MERTK: variants seen among roughly 807,000 people sequenced by gnomAD.
MERTK encodes tyrosine-protein kinase Mer.
Under a neutral mutation model 99.3 loss-of-function variants are expected in MERTK, and 69 were observed. The observed-to-expected ratio is 0.70, with a 90% confidence interval of 0.57 to 0.85. The LOEUF is 0.85. Ranked by LOEUF, MERTK falls within the 40% of genes least tolerant of loss-of-function variation. The probability of loss-of-function intolerance (pLI) is 0.00; values close to 1 mark genes in which losing one functional copy is unlikely to be tolerated. For missense variants in MERTK, 1,125 were observed against 1,249.4 expected (o/e 0.90, Z 1.50); for synonymous variants, 426 against 467.6 (o/e 0.91, Z 1.15).
In MERTK at chr2:111,921,369, A is replaced by G. The variant is rs571839911; in HGVS notation, c.62-7751A>G. ...ACAAAAATTAGCTGGGCATGGTGGT[A>G]CCTGCCTGTAGTCCCTGCTACTCAG... On this transcript the variant is annotated intron_variant, in intron 1 of 18. Coordinates refer to ENST00000295408, the MANE Select transcript of MERTK (RefSeq NM_006343.3). 2.0e-5 allele frequency among the ~76,000 whole-genome samples: 3 copies of G among 152,164 alleles called. No homozygotes were observed. The South Asian group carries it at 6.2e-4, about 32-fold the overall frequency.
At chr2:112,012,341 C>A (rs1251183432) in intron 15 of MERTK, among the ~76,000 whole-genome samples, 1 of 129,864 alleles carries the variant, frequency 7.7e-6, no homozygotes, top group Non-Finnish European at 1.6e-5. Context: ...ATCTTCATGT[C>A]AGGGAAGCCA....
At chr2:112,001,750 C>A (rs565146336) in intron 11 of MERTK, among the ~76,000 whole-genome samples, 177 of 152,284 alleles carry the variant, frequency 1.2e-3, no homozygotes, top group Non-Finnish European at 2.4e-3. Flanking sequence ...AATAAACAGA[C>A]ACTAGTGTTC....
intron 8 of MERTK, among the ~76,000 whole-genome samples, chr2:111,984,580 C>A (rs1676434812): frequency 6.6e-6 from 1 of 152,018 alleles, no homozygotes; most frequent in Admixed American, 6.6e-5. Flanking sequence ...GAGTTCTGAC[C>A]CTAAAATGCA....
In MERTK at chr2:111,945,062, TAAGTCCAC is replaced by T. The variant is rs769475381; in HGVS notation, c.583+4_583+11del. The T allele has an allele frequency of 3.1e-6, 5 of 1,609,788 alleles. No homozygotes were observed. Among genetic ancestry groups the T allele is most frequent in the Non-Finnish European group, 4.3e-6 (5 of 1,176,358 alleles). ...ATCCCATCTACATCGAAGTACAAGG[TAAGTCCAC>T]AGACCAGAGTCCCATTGCCAGAGAA... is the stretch of plus-strand genomic sequence containing the variant. On this transcript the variant is annotated splice_donor_5th_base_variant and intron_variant, in intron 3 of 18. Transcript: ENST00000295408.
intron 4 of MERTK, among the ~76,000 whole-genome samples, chr2:111,961,156 C>CTTTTTTTTTTT (rs1052197732): frequency 1.0e-5 from 1 of 98,082 alleles, no homozygotes; most frequent in Non-Finnish European, 2.0e-5. Flanking sequence ...AATTTTCTTT[C>CTTTTTTTTTTT]TTTTTTTTTT....
At chr2:111,986,674 T>G (rs1272181677) in intron 8 of MERTK, among the ~76,000 whole-genome samples, 1 of 152,240 alleles carries the variant, frequency 6.6e-6, no homozygotes. Context: ...CATTGCCCTT[T>G]GTTCAGAACG....
intron 4 of MERTK, among the ~76,000 whole-genome samples, chr2:111,947,930 A>G (rs1035257789): frequency 3.9e-5 from 6 of 151,928 alleles, no homozygotes; most frequent in African/African-American, 1.5e-4. Context: ...ACCTCAGTGG[A>G]TTTGACACCG....
intron 1 of MERTK, among the ~76,000 whole-genome samples, chr2:111,906,158 A>G (rs923967788): frequency 6.6e-6 from 1 of 152,210 alleles, no homozygotes; most frequent in Non-Finnish European, 1.5e-5. Context: ...TCACTCCAGT[A>G]GGGGTCCATC....
Position 111,898,675 on chromosome 2 carries a change from A to G in MERTK, c.-61A>G, listed in dbSNP as rs896148934. ...TGGCGCGCTTGGCCGGCGACAGGAC[A>G]GGTTCGGGACGTCCATCTGTCCATC... On this transcript the variant is annotated 5_prime_UTR_variant, in exon 1 of 19. Coordinates refer to ENST00000295408, the MANE Select transcript of MERTK (RefSeq NM_006343.3). 14 of 1,560,878 alleles carry G rather than the reference A, an allele frequency of 9.0e-6. No individual in the cohort carries two copies. The highest frequency in any genetic ancestry group is 4.1e-5 in the African/African-American group (3 of 73,790).
At chr2:111,970,178 A>G (rs1367005171) in intron 6 of MERTK, among the ~76,000 whole-genome samples, 1 of 148,516 alleles carries the variant, frequency 6.7e-6, no homozygotes, top group African/African-American at 2.5e-5. Context: ...TTAATTTGAG[A>G]CGTAGTCTCG....
At chr2:112,023,087 G>A (rs779339071) in intron 18 of MERTK, among the ~76,000 whole-genome samples, 7 of 151,996 alleles carry the variant, frequency 4.6e-5, no homozygotes, top group Non-Finnish European at 7.4e-5. Context: ...AGACCAGCCT[G>A]GGCAACATAG....
chr2:111,947,084 C>T (rs539390290), intron 3 of MERTK, among the ~76,000 whole-genome samples: 1 of 152,260 alleles, frequency 6.6e-6, no homozygotes, highest in South Asian at 2.1e-4. Context: ...GCCAGCCTGG[C>T]CAACATGGTG....
At chr2:111,986,947 A>T (rs1676489732) in intron 8 of MERTK, among the ~76,000 whole-genome samples, 1 of 152,212 alleles carries the variant, frequency 6.6e-6, no homozygotes, top group Non-Finnish European at 1.5e-5. Context: ...GGACCCTGGG[A>T]GTCCCCTGAA....
At position 112,029,272 on chromosome 2, in the gene MERTK, C is replaced by T; in HGVS notation, c.*408C>T. Reference sequence around the variant, plus strand: ...TGCCATATTTGACTTGGCTTCTGGTCTTGATGTATTTGATAAGAATGATTC... The same window carrying T: ...TGCCATATTTGACTTGGCTTCTGGTTTTGATGTATTTGATAAGAATGATTC... On this transcript the variant is annotated 3_prime_UTR_variant, in exon 19 of 19. Transcript: ENST00000295408. The T allele has an allele frequency of 1.0e-6, 1 of 973,694 alleles. No individual in the cohort carries two copies. Among genetic ancestry groups the T allele is most frequent in the Non-Finnish European group, 1.2e-6 (1 of 814,452 alleles). 60.3% of individuals were successfully genotyped at this position (973,694 alleles called of 1,614,324 possible). A position where few individuals can be genotyped will look rare whatever the true frequency, so the allele number is the denominator to read the frequency against.
intron 1 of MERTK, among the ~76,000 whole-genome samples, chr2:111,914,371 G>A (rs1684310848): frequency 6.6e-6 from 1 of 152,004 alleles, no homozygotes; most frequent in African/African-American, 2.4e-5. Flanking sequence ...TCTGCCTCCC[G>A]GGTTCATGCC....
intron 1 of MERTK, among the ~76,000 whole-genome samples, chr2:111,924,137 C>G (rs1684513502): frequency 6.6e-6 from 1 of 152,178 alleles, no homozygotes; most frequent in South Asian, 2.1e-4. Flanking sequence ...GCCTCAGTCC[C>G]AACAGTTCTC....
intron 6 of MERTK, among the ~76,000 whole-genome samples, chr2:111,970,859 TCTC>T (rs1348816958): frequency 3.6e-5 from 5 of 139,834 alleles, no homozygotes; most frequent in African/African-American, 1.1e-4. Context: ...TCCTCCTCCT[TCTC>T]CTCCTTCTTC....
chr2:111,915,278 T>C (rs1172780668), intron 1 of MERTK, among the ~76,000 whole-genome samples: 1 of 152,188 alleles, frequency 6.6e-6, no homozygotes, highest in African/African-American at 2.4e-5. Context: ...ATTTTTTTCT[T>C]TGTTGGTCTT....
chr2:112,017,646 T>A (rs1677245999), intron 15 of MERTK, among the ~76,000 whole-genome samples: 1 of 150,684 alleles, frequency 6.6e-6, no homozygotes, highest in African/African-American at 2.4e-5. Context: ...AAAAAAAAAA[T>A]TCCACACTGC....
Sources: allele counts gnomAD v4.1 joint callset (sites outside exome capture counted in the v4.1 genomes callset), GRCh38; gene constraint gnomAD v4.1.1; transcripts MANE v1.5; gene names NCBI Gene and HGNC (gene_info 2026-07-23, HGNC 2026-07-21).